MACROD2: variants seen among roughly 807,000 people sequenced by gnomAD.
MACROD2 encodes mono-ADP ribosylhydrolase 2.
In MACROD2, 36 loss-of-function variants were observed where a neutral mutation model predicts 70.4. The ratio of observed to expected loss-of-function variants is 0.51; its 90% CI spans 0.39 to 0.68. MACROD2 has a LOEUF of 0.68. Among genes scored for constraint, MACROD2 ranks in the 30% least tolerant of loss-of-function variants. The pLI, the probability that MACROD2 is intolerant of heterozygous loss-of-function variation, is 0.00. For synonymous variants in MACROD2, 172 were observed against 178.8 expected (o/e 0.96, Z 0.30); for missense variants, 496 against 538.4 (o/e 0.92, Z 0.78).
intron 5 of MACROD2, among the ~76,000 whole-genome samples, chr20:14,764,369 A>G (rs1194111057): frequency 2.0e-5 from 3 of 151,916 alleles, no homozygotes; most frequent in Non-Finnish European, 4.4e-5. Flanking sequence ...ATGCTTTTCC[A>G]GTTGCCTGAA....
intron 6 of MACROD2, among the ~76,000 whole-genome samples, chr20:15,376,564 C>T (rs926217371): frequency 6.6e-6 from 1 of 152,154 alleles, no homozygotes; most frequent in Non-Finnish European, 1.5e-5. Flanking sequence ...CAGTCTTATT[C>T]CATATTATTA....
intron 10 of MACROD2, among the ~76,000 whole-genome samples, chr20:15,893,294 T>G (rs1306499687): frequency 6.6e-6 from 1 of 152,260 alleles, no homozygotes; most frequent in African/African-American, 2.4e-5. Flanking sequence ...CAGTTACATG[T>G]TCCAAAATTG....
chr20:14,637,492 T>C (rs6033993), intron 4 of MACROD2, among the ~76,000 whole-genome samples: 1,945 of 152,292 alleles, frequency 0.013, 40 homozygotes, highest in African/African-American at 0.044. Context: ...AAATGAAAAA[T>C]ACATCTCAGG....
chr20:14,744,211 T>C (rs2071769986), intron 5 of MACROD2, among the ~76,000 whole-genome samples: 1 of 152,190 alleles, frequency 6.6e-6, no homozygotes, highest in Admixed American at 6.5e-5. Flanking sequence ...GTGAGGTATA[T>C]ATATGCAAGA....
At chr20:14,468,410 TTATCA>T (rs1408084339) in intron 3 of MACROD2, among the ~76,000 whole-genome samples, 4 of 151,890 alleles carry the variant, frequency 2.6e-5, no homozygotes, top group Non-Finnish European at 4.4e-5. Context: ...AAAGTCTGTT[TTATCA>T]GAGACTAGGA....
At chr20:14,824,245 T>A (rs904611293) in intron 5 of MACROD2, among the ~76,000 whole-genome samples, 2 of 152,122 alleles carry the variant, frequency 1.3e-5, no homozygotes, top group Admixed American at 6.6e-5. Flanking sequence ...ACTTGGCTAG[T>A]CATGGTATTG....
chr20:15,869,844 C>T (rs1225507777), intron 9 of MACROD2, among the ~76,000 whole-genome samples: 1 of 152,024 alleles, frequency 6.6e-6, no homozygotes, highest in African/African-American at 2.4e-5. Flanking sequence ...AAAATGCATA[C>T]ATTTTATTTC....
intron 5 of MACROD2, among the ~76,000 whole-genome samples, chr20:14,891,220 A>C (rs549307526): frequency 2.6e-4 from 39 of 152,230 alleles, no homozygotes; most frequent in African/African-American, 9.1e-4. Flanking sequence ...TAACATTCCA[A>C]AACTGGCATG....
intron 6 of MACROD2, among the ~76,000 whole-genome samples, chr20:15,326,671 A>T (rs916727981): frequency 6.6e-6 from 1 of 152,092 alleles, no homozygotes; most frequent in Non-Finnish European, 1.5e-5. Context: ...TAAGACAAGG[A>T]TGGGGCTCTA....
intron 3 of MACROD2, among the ~76,000 whole-genome samples, chr20:14,447,941 G>C (rs2084200760): frequency 6.7e-6 from 1 of 150,328 alleles, no homozygotes; most frequent in Non-Finnish European, 1.5e-5. Flanking sequence ...ACAATCAAAA[G>C]AGGACAGTAG....
chr20:15,747,724 T>C (rs1269716138), intron 8 of MACROD2, among the ~76,000 whole-genome samples: 1 of 152,130 alleles, frequency 6.6e-6, no homozygotes, highest in Non-Finnish European at 1.5e-5. Context: ...TCCACGGAGA[T>C]GATCATAGCA....
intron 6 of MACROD2, among the ~76,000 whole-genome samples, chr20:15,273,689 G>T (rs1343149469): frequency 6.6e-6 from 1 of 152,148 alleles, no homozygotes; most frequent in African/African-American, 2.4e-5. Context: ...TCTGCACTTA[G>T]TGTGTCTGGA....
chr20:14,544,740 A>G (rs1187164342), intron 4 of MACROD2, among the ~76,000 whole-genome samples: 1 of 152,172 alleles, frequency 6.6e-6, no homozygotes. Context: ...AGGCAACTGG[A>G]GCTTAATGAT....
At chr20:15,699,458 C>A (rs766863263) in intron 8 of MACROD2, among the ~76,000 whole-genome samples, 1 of 152,196 alleles carries the variant, frequency 6.6e-6, no homozygotes, top group Non-Finnish European at 1.5e-5. Flanking sequence ...CGGATACCAG[C>A]ACCTGTTCTG....
At chr20:15,054,253 C>A (rs537458982) in intron 5 of MACROD2, among the ~76,000 whole-genome samples, 1 of 152,270 alleles carries the variant, frequency 6.6e-6, no homozygotes, top group South Asian at 2.1e-4. Flanking sequence ...AAAATAAATT[C>A]TACTGTGTGA....
At chr20:15,243,005 G>A (rs947150628) in intron 6 of MACROD2, among the ~76,000 whole-genome samples, 5 of 152,320 alleles carry the variant, frequency 3.3e-5, no homozygotes, top group Admixed American at 1.3e-4. Flanking sequence ...CTAAAGCTGA[G>A]ATGATTGTTT....
chr20:14,885,560 T>C (rs1374766977), intron 5 of MACROD2, among the ~76,000 whole-genome samples: 2 of 152,144 alleles, frequency 1.3e-5, no homozygotes, highest in East Asian at 3.9e-4. Context: ...GATTATAATT[T>C]CTCAAACATC....
intron 8 of MACROD2, among the ~76,000 whole-genome samples, chr20:15,627,033 G>A (rs6043401): frequency 6.6e-6 from 1 of 151,944 alleles, no homozygotes; most frequent in African/African-American, 2.4e-5. Context: ...TTAGCAAAGT[G>A]TTAGTTGATA....
chr20:15,195,323 G>A (rs1420047635), intron 5 of MACROD2, among the ~76,000 whole-genome samples: 2 of 152,076 alleles, frequency 1.3e-5, no homozygotes, highest in Non-Finnish European at 2.9e-5. Flanking sequence ...GAAAATTTTT[G>A]CAATTTATCC....
Sources: allele counts gnomAD v4.1 joint callset (sites outside exome capture counted in the v4.1 genomes callset), GRCh38; gene constraint gnomAD v4.1.1; transcripts MANE v1.5; gene names NCBI Gene and HGNC (gene_info 2026-07-23, HGNC 2026-07-21).